Variants in ACSS3 observed in about 807,000 individuals in gnomAD.
ACSS3 encodes acyl-CoA synthetase short chain family member 3.
In ACSS3, 64 loss-of-function variants were observed where a neutral mutation model predicts 84.2. That is an observed-to-expected ratio of 0.76 (90% confidence interval 0.62 to 0.94). ACSS3 has a LOEUF of 0.94. Among genes scored for constraint, ACSS3 ranks in the 40% least tolerant of loss-of-function variants. The pLI is 0.00. For synonymous variants in ACSS3, 317 were observed against 310.1 expected (o/e 1.02, Z -0.23); for missense variants, 815 against 867.6 (o/e 0.94, Z 0.76).
At chr12:81,130,694 T>A (rs1228944674) in intron 2 of ACSS3, among the ~76,000 whole-genome samples, 2 of 152,202 alleles carry the variant, frequency 1.3e-5, no homozygotes, top group Non-Finnish European at 2.9e-5. Context: ...AGTCATGAAG[T>A]CCTTGCCCAT....
At chr12:81,231,630 C>G (rs139287027) in intron 12 of ACSS3, among the ~76,000 whole-genome samples, 300 of 151,780 alleles carry the variant, frequency 2.0e-3, no homozygotes, top group African/African-American at 6.9e-3. Flanking sequence ...TCTCTGAGCT[C>G]TTTATTTTTA....
chr12:81,214,743 C>T (rs1340826960), intron 9 of ACSS3, among the ~76,000 whole-genome samples: 2 of 152,154 alleles, frequency 1.3e-5, no homozygotes, highest in African/African-American at 4.8e-5. Context: ...GCGATAGGAA[C>T]AACAGAGTGA....
intron 1 of ACSS3, among the ~76,000 whole-genome samples, 199 bp downstream of exon 1, chr12:81,078,630 C>T (rs879711265): frequency 2.6e-5 from 4 of 152,120 alleles, no homozygotes; most frequent in Non-Finnish European, 4.4e-5. Context: ...ACCCTGTTAC[C>T]TATTGTGAAC....
chr12:81,206,547 G>T (rs1438454495), intron 9 of ACSS3, among the ~76,000 whole-genome samples: 1 of 151,838 alleles, frequency 6.6e-6, no homozygotes, highest in African/African-American at 2.4e-5. Context: ...TTGTGATGGG[G>T]GAAAAAGCAG....
At chr12:81,245,960 C>G (rs542054304) in intron 13 of ACSS3, among the ~76,000 whole-genome samples, 1 of 152,130 alleles carries the variant, frequency 6.6e-6, no homozygotes, top group African/African-American at 2.4e-5. Flanking sequence ...TGTCTCCCCA[C>G]AGTTACCAGG....
intron 2 of ACSS3, among the ~76,000 whole-genome samples, chr12:81,124,003 C>T (rs907743608): frequency 1.2e-4 from 19 of 152,030 alleles, no homozygotes; most frequent in African/African-American, 3.4e-4. Context: ...GAGTATATAC[C>T]GAGTAATAGG....
At chr12:81,231,212 T>G (rs560897549) in intron 12 of ACSS3, 74 bp downstream of exon 12, 8 of 1,252,420 alleles carry the variant, frequency 6.4e-6, no homozygotes, top group African/African-American at 4.6e-5. Context: ...TTGAGAAACT[T>G]GCTCCTAGAA....
At position 81,100,226 on chromosome 12, in the gene ACSS3, T is replaced by G. The variant is rs941230497; in HGVS notation, c.312-9334T>G. ...AATGCAAAATTACCAGTTTTTTTTT[T>G]TTTTTTTTTTTTTGAGATGGGGTCT... On this transcript the variant is annotated intron_variant, in intron 1 of 15. Transcript: ENST00000548058. 1.7e-3 allele frequency among the ~76,000 whole-genome samples: 250 copies of G among 150,078 alleles called. 1 individual carries two copies. The highest frequency in any genetic ancestry group is 2.9e-3 in the Non-Finnish European group (194 of 67,466).
intron 11 of ACSS3, among the ~76,000 whole-genome samples, chr12:81,224,087 A>G (rs941314719): frequency 2.0e-5 from 3 of 151,932 alleles, no homozygotes; most frequent in Non-Finnish European, 4.4e-5. Flanking sequence ...GAGGACTCTC[A>G]ATTCATAATT....
chr12:81,180,162 A>C (rs1189220450), intron 8 of ACSS3, among the ~76,000 whole-genome samples: 1 of 152,222 alleles, frequency 6.6e-6, no homozygotes, highest in Non-Finnish European at 1.5e-5. Context: ...TTACTCTTCT[A>C]AGTGTGAGCT....
intron 1 of ACSS3, among the ~76,000 whole-genome samples, chr12:81,102,090 T>C (rs1159785255): frequency 6.6e-6 from 1 of 151,922 alleles, no homozygotes; most frequent in African/African-American, 2.4e-5. Flanking sequence ...CATACATATA[T>C]ATATACACAC....
intron 1 of ACSS3, among the ~76,000 whole-genome samples, chr12:81,081,149 CAA>C (rs2121258726): frequency 6.6e-6 from 1 of 152,248 alleles, no homozygotes; most frequent in South Asian, 2.1e-4. Flanking sequence ...ACAGGCTTAT[CAA>C]AAGTCTCAGC....
intron 13 of ACSS3, among the ~76,000 whole-genome samples, chr12:81,241,249 G>T (rs2033793882): frequency 1.3e-5 from 2 of 151,934 alleles, no homozygotes; most frequent in African/African-American, 4.8e-5. Context: ...TGGACATTTG[G>T]GTTGGTTCCA....
At chr12:81,161,387 T>C (rs1887139272) in intron 7 of ACSS3, among the ~76,000 whole-genome samples, 1 of 152,200 alleles carries the variant, frequency 6.6e-6, no homozygotes, top group Admixed American at 6.5e-5. Flanking sequence ...TAAATAAAAG[T>C]GAACTCGAAG....
At chr12:81,103,149 G>A (rs113689320) in intron 1 of ACSS3, among the ~76,000 whole-genome samples, 40 of 152,120 alleles carry the variant, frequency 2.6e-4, no homozygotes, top group African/African-American at 7.2e-4. Context: ...GGAATATTAT[G>A]CCATCATTAC....
chr12:81,130,674 T>A (rs1212367378), intron 2 of ACSS3, among the ~76,000 whole-genome samples: 1 of 152,198 alleles, frequency 6.6e-6, no homozygotes, highest in African/African-American at 2.4e-5. Flanking sequence ...GTCATTGCTT[T>A]TGGTGTTTTA....
intron 9 of ACSS3, among the ~76,000 whole-genome samples, chr12:81,203,281 G>A (rs746866790): frequency 1.3e-5 from 2 of 152,006 alleles, no homozygotes; most frequent in African/African-American, 2.4e-5. Flanking sequence ...TGCTTGGATG[G>A]TGCCCACTCG....
chr12:81,113,665 ACT>A (rs2121516063), intron 2 of ACSS3, among the ~76,000 whole-genome samples: 1 of 152,148 alleles, frequency 6.6e-6, no homozygotes, highest in Non-Finnish European at 1.5e-5. Context: ...TTTCCAAGTG[ACT>A]CTAGCTTCTT....
chr12:81,221,519 G>C (rs138897532), intron 11 of ACSS3, among the ~76,000 whole-genome samples: 250 of 152,178 alleles, frequency 1.6e-3, no homozygotes, highest in African/African-American at 5.9e-3. Flanking sequence ...AAAGCTAATA[G>C]AAAGCATACA....
Sources: gnomAD v4.1 joint callset for allele counts (sites outside exome capture counted in the v4.1 genomes callset) on GRCh38, gnomAD v4.1.1 for gene constraint, MANE v1.5 for transcripts, NCBI Gene and HGNC (gene_info 2026-07-23, HGNC 2026-07-21) for gene names.